Variants in WWOX observed in about 807,000 individuals in gnomAD.
The protein encoded by WWOX is WW domain-containing oxidoreductase.
In WWOX, 69 loss-of-function variants were observed where a neutral mutation model predicts 46.2. The observed-to-expected ratio is 1.49, with a 90% CI of 1.23 to 1.82. WWOX has a LOEUF of 1.82. Ranked by LOEUF, WWOX falls within the 40% of genes most tolerant of loss-of-function variation. The probability of loss-of-function intolerance (pLI) is 0.00; values close to 1 mark genes in which losing one functional copy is unlikely to be tolerated. For missense variants in WWOX, 919 were observed against 542.6 expected (o/e 1.69, Z -6.89); for synonymous variants, 359 against 202.6 (o/e 1.77, Z -6.56).
At chr16:78,850,751 G>T (rs771672156) in intron 8 of WWOX, among the ~76,000 whole-genome samples, 14 of 152,110 alleles carry the variant, frequency 9.2e-5, no homozygotes, top group Non-Finnish European at 8.8e-5. Context: ...ATTCAAAAAA[G>T]AACCCAATCT....
chr16:78,225,703 T>C (rs2037031459), intron 5 of WWOX, among the ~76,000 whole-genome samples: 1 of 152,200 alleles, frequency 6.6e-6, no homozygotes, highest in South Asian at 2.1e-4. Context: ...CAATAAGTTA[T>C]TCCTTCCCCA....
In WWOX at chr16:79,026,104, G is replaced by A. The variant is rs180993247; in HGVS notation, c.1057-185504G>A. Among the ~76,000 whole-genome samples the A allele has an allele frequency of 5.9e-4, 89 of 151,554 alleles. 1 individual carries two copies. The East Asian group carries it at 0.012, about 20-fold the overall frequency. On this transcript the variant is annotated intron_variant, in intron 8 of 8. Transcript: ENST00000566780. ...GCATGAGTCCCCATGCCCAGCCCCTGTTGCCCTTTTCAAAACACTAAGTGC... is the reference window on the plus strand; with the variant it reads ...GCATGAGTCCCCATGCCCAGCCCCTATTGCCCTTTTCAAAACACTAAGTGC...
chr16:78,704,374 C>G (rs1169497058), intron 8 of WWOX, among the ~76,000 whole-genome samples: 1 of 152,146 alleles, frequency 6.6e-6, no homozygotes, highest in Non-Finnish European at 1.5e-5. Context: ...TGCATTTTCA[C>G]AATGCTTGGT....
intron 8 of WWOX, chr16:79,004,738 G>C (rs943004562): frequency 6.6e-6 from 1 of 152,232 alleles, no homozygotes; most frequent in African/African-American, 2.4e-5. Context: ...ATACTTGAAA[G>C]TCCAGCTGTG....
chr16:78,699,893 C>T (rs184287747), intron 8 of WWOX, among the ~76,000 whole-genome samples: 18 of 152,210 alleles, frequency 1.2e-4, no homozygotes, highest in African/African-American at 4.1e-4. Flanking sequence ...TTCATGGAGA[C>T]TGGCATTGTC....
At chr16:78,575,073 A>G (rs543282545) in intron 8 of WWOX, among the ~76,000 whole-genome samples, 2 of 30,286 alleles carry the variant, frequency 6.6e-5, no homozygotes, top group African/African-American at 1.1e-4. Context: ...ATATATATAT[A>G]TATATATATA....
At chr16:79,209,551 C>T (rs889760249) in intron 8 of WWOX, among the ~76,000 whole-genome samples, 17 of 152,280 alleles carry the variant, frequency 1.1e-4, no homozygotes, top group Middle Eastern at 6.8e-3. Flanking sequence ...GAGCTGGATT[C>T]TCCCACCACT....
chr16:79,171,188 T>A (rs12920362), intron 8 of WWOX, among the ~76,000 whole-genome samples: 62,037 of 152,088 alleles, frequency 0.41, 13,775 homozygotes, highest in East Asian at 0.7. Context: ...TAGCGACAGA[T>A]AATTACAACA....
intron 8 of WWOX, among the ~76,000 whole-genome samples, chr16:79,073,010 C>T (rs191539334): frequency 6.6e-6 from 1 of 152,192 alleles, no homozygotes; most frequent in African/African-American, 2.4e-5. Context: ...TGTGGCTGTT[C>T]ATCAGCACAC....
chr16:78,460,190 C>G (rs4435264), intron 8 of WWOX, among the ~76,000 whole-genome samples: 31,798 of 151,750 alleles, frequency 0.21, 3,422 homozygotes, highest in South Asian at 0.33. Context: ...TGCAGTGGCA[C>G]TATCTGGGCT....
chr16:78,575,996 G>T (rs1483891297), intron 8 of WWOX, among the ~76,000 whole-genome samples: 3 of 152,096 alleles, frequency 2.0e-5, no homozygotes, highest in Admixed American at 1.3e-4. Context: ...ATTTTTCAGA[G>T]CATGTACTGG....
chr16:78,830,269 C>T (rs994340508), intron 8 of WWOX, among the ~76,000 whole-genome samples: 2 of 151,640 alleles, frequency 1.3e-5, no homozygotes, highest in African/African-American at 2.4e-5. Context: ...GGGTTATTGT[C>T]CTCCCTTTGT....
intron 5 of WWOX, among the ~76,000 whole-genome samples, chr16:78,215,076 G>T (rs1478585704): frequency 6.6e-6 from 1 of 152,188 alleles, no homozygotes; most frequent in Admixed American, 6.5e-5. Context: ...GTAGGATATT[G>T]CTGGGGAAAG....
At chr16:78,832,227 G>C (rs568218307) in intron 8 of WWOX, among the ~76,000 whole-genome samples, 1 of 152,232 alleles carries the variant, frequency 6.6e-6, no homozygotes, top group East Asian at 1.9e-4. Context: ...GTGGCTTTTA[G>C]CAGGAGGCCT....
At chr16:78,242,780 G>C (rs1336728066) in intron 5 of WWOX, among the ~76,000 whole-genome samples, 1 of 152,168 alleles carries the variant, frequency 6.6e-6, no homozygotes. Flanking sequence ...GGCCGAGGCA[G>C]GCAGATCACT....
At chr16:78,265,737 C>T (rs1774599840) in intron 5 of WWOX, among the ~76,000 whole-genome samples, 1 of 149,582 alleles carries the variant, frequency 6.7e-6, no homozygotes, top group South Asian at 2.1e-4. Flanking sequence ...TCCATGAGGG[C>T]ACAAAGTTGT....
At chr16:78,834,769 C>T (rs1021767097) in intron 8 of WWOX, among the ~76,000 whole-genome samples, 1 of 152,058 alleles carries the variant, frequency 6.6e-6, no homozygotes, top group Non-Finnish European at 1.5e-5. Context: ...CAGGATGTTG[C>T]GTATGTCAAA....
intron 4 of WWOX, among the ~76,000 whole-genome samples, chr16:78,159,568 C>A (rs1246251887): frequency 6.6e-6 from 1 of 151,678 alleles, no homozygotes; most frequent in African/African-American, 2.4e-5. Context: ...TTGCATTTTC[C>A]TGAGAATTAG....
At chr16:78,801,221 A>G (rs555556548) in intron 8 of WWOX, among the ~76,000 whole-genome samples, 1 of 152,144 alleles carries the variant, frequency 6.6e-6, no homozygotes, top group Non-Finnish European at 1.5e-5. Flanking sequence ...ACCACTCACC[A>G]TTTTTGTGGT....
Sources: allele counts gnomAD v4.1 joint callset (sites outside exome capture counted in the v4.1 genomes callset), GRCh38; gene constraint gnomAD v4.1.1; transcripts MANE v1.5; gene names NCBI Gene and HGNC (gene_info 2026-07-23, HGNC 2026-07-21).